Variants in DEAF1 observed in about 807,000 individuals in gnomAD.
DEAF1 encodes the protein deformed epidermal autoregulatory factor 1 homolog.
A neutral mutation model predicts 58.9 loss-of-function variants in DEAF1; 53 were observed. The observed-to-expected ratio is 0.90, with a 90% CI of 0.72 to 1.13. The LOEUF (loss-of-function observed/expected upper bound fraction) is 1.13. Ranked by LOEUF, DEAF1 falls within the 50% of genes most tolerant of loss-of-function variation. The pLI is 0.00. For synonymous variants in DEAF1, 385 were observed against 340.4 expected, an observed-to-expected ratio of 1.13 and a Z score of -1.44; for missense variants, 685 against 791.4, an observed-to-expected ratio of 0.87 and a Z score of 1.61.
At chr11:658,024 C>A (rs1859141378) in intron 10 of DEAF1, among the ~76,000 whole-genome samples, 1 of 152,222 alleles carries the variant, frequency 6.6e-6, no homozygotes, top group African/African-American at 2.4e-5. Flanking sequence ...GCCCTGTGGG[C>A]TTTGAAGTTA....
chr11:653,915 G>A (rs759022502), intron 11 of DEAF1, 47 bp downstream of exon 11: 30 of 1,566,024 alleles, frequency 1.9e-5, no homozygotes, highest in Non-Finnish European at 2.5e-5. Context: ...GGTCTTCGTA[G>A]CGAGGGAGGA....
In DEAF1 at chr11:686,855, T is replaced by C. The variant is rs1483091772; in HGVS notation, c.804+3A>G. On this transcript the variant is annotated splice_donor_region_variant and intron_variant, in intron 5 of 11. Transcript: ENST00000382409. ...TGAGCACAGGTGAGGTCACGGACGA[T>C]ACCTGGATGAGGCACTGCAAGGGTC... 1.9e-6 allele frequency: 3 copies of C among 1,614,150 alleles called. No homozygotes were observed. Among genetic ancestry groups the C allele is most frequent in the South Asian group, 1.1e-5 (1 of 91,084 alleles).
intron 10 of DEAF1, among the ~76,000 whole-genome samples, chr11:660,407 C>G (rs1859268670): frequency 6.6e-6 from 1 of 152,244 alleles, no homozygotes; most frequent in Non-Finnish European, 1.5e-5. Flanking sequence ...GCAGGGTCCC[C>G]CTGAAGTGGG....
At chr11:683,621 T>TC (rs1212395555) in intron 6 of DEAF1, among the ~76,000 whole-genome samples, 1 of 152,234 alleles carries the variant, frequency 6.6e-6, no homozygotes, top group African/African-American at 2.4e-5. Context: ...CCTTTACCTT[T>TC]CTATGCAAAT....
intron 10 of DEAF1, among the ~76,000 whole-genome samples, chr11:672,042 G>A (rs1366953992): frequency 1.3e-5 from 2 of 152,254 alleles, no homozygotes; most frequent in African/African-American, 2.4e-5. Flanking sequence ...ATTGAGTGGT[G>A]TTGCTGGTGT....
At position 695,085 on chromosome 11, in the gene DEAF1, GA is replaced by G; in HGVS notation, c.-39del. On this transcript the variant is annotated 5_prime_UTR_variant, in exon 1 of 12. Coordinates refer to ENST00000382409, the MANE Select transcript of DEAF1 (RefSeq NM_021008.4). ...GAGCCTTCCCGAAGGCGCCGTCCGGGACCGCCCGAAGCGCCGGTCGCGGAGC... is the reference window on the plus strand; with the variant it reads ...GAGCCTTCCCGAAGGCGCCGTCCGGGCCGCCCGAAGCGCCGGTCGCGGAGC... The G allele has an allele frequency of 7.0e-7, 1 of 1,420,118 alleles. No homozygotes were observed. The highest frequency in any genetic ancestry group is 9.2e-7 in the Non-Finnish European group (1 of 1,090,448). 88.0% of individuals were successfully genotyped at this position (1,420,118 alleles called of 1,614,324 possible).
chr11:695,838 C>T (rs1355976716), upstream of DEAF1: 6 of 1,230,014 alleles, frequency 4.9e-6, no homozygotes, highest in East Asian at 3.2e-5. Flanking sequence ...ATGGCGGCCC[C>T]GCGGCGAGGT....
In DEAF1 at chr11:688,072, GTGTT is replaced by G; in HGVS notation, c.518-19_518-16del. Reference sequence around the variant, plus strand: ...AGACTGAGGACCTTGGGCAGAGAAAGTGTTTGAAGGTGAGAGGCCGGACACCGGG... The same window carrying G: ...AGACTGAGGACCTTGGGCAGAGAAAGTGAAGGTGAGAGGCCGGACACCGGG... On this transcript the variant is annotated splice_polypyrimidine_tract_variant and intron_variant, in intron 3 of 11. Transcript: ENST00000382409. The surrounding 1 kb of genome is among the most constrained non-coding windows in gnomAD (Gnocchi z 4.3). 1 of 1,613,762 alleles carries G rather than the reference GTGTT, an allele frequency of 6.2e-7. No individual in the cohort carries two copies. Among genetic ancestry groups the G allele is most frequent in the Non-Finnish European group, 8.5e-7 (1 of 1,179,908 alleles).
rs191783462 is a variant in DEAF1, at chr11:701,653, C to T, written c.-438+4919G>A. ...TTCCATCTCCTGACCTCCTGATCCG[C>T]CCACCTCGGCCTCCCAAAGTGCTGG... On this transcript the variant is annotated intron_variant, in intron 1 of 11. Coordinates refer to the DEAF1 transcript ENST00000683307. Among the ~76,000 whole-genome samples the T allele has an allele frequency of 7.2e-3, 1,096 of 152,062 alleles. 6 individuals carry two copies. Among genetic ancestry groups the T allele is most frequent in the Admixed American group, 0.013 (198 of 15,292 alleles).
At position 695,015 on chromosome 11, in the gene DEAF1, C is replaced by T; in HGVS notation, c.33G>A (p.Leu11=). Residue 11 remains leucine (L), a synonymous_variant, in exon 1 of 12, where the codon CTG becomes CTA. Coordinates refer to ENST00000382409, the MANE Select transcript of DEAF1 (RefSeq NM_021008.4). MEDSDSAAKQ[L]GLAEAAAVAA... ...CCACCGCCGCCGCCTCAGCCAGGCCCAGCTGCTTTGCCGCCGAGTCCGAGT... is the reference window on the plus strand; with the variant it reads ...CCACCGCCGCCGCCTCAGCCAGGCCTAGCTGCTTTGCCGCCGAGTCCGAGT... The T allele has an allele frequency of 5.0e-6, 7 of 1,400,860 alleles. No individual in the cohort carries two copies. Among genetic ancestry groups the T allele is most frequent in the South Asian group, 2.8e-5 (2 of 71,694 alleles). The allele number at this position is 1,400,860 out of a possible 1,614,324, so 86.8% of individuals were successfully genotyped here. A position where few individuals can be genotyped will look rare whatever the true frequency, so the allele number is the denominator to read the frequency against.
chr11:673,541 AAAATAG>A (rs1859924775), intron 10 of DEAF1, among the ~76,000 whole-genome samples: 1 of 152,192 alleles, frequency 6.6e-6, no homozygotes, highest in South Asian at 2.1e-4. Flanking sequence ...AATAAAAATA[AAAATAG>A]AAAGTAGAAA....
At chr11:706,674 CA>C (rs1861728500) in exon 1 of DEAF1, 1 of 152,414 alleles carries the variant, frequency 6.6e-6, no homozygotes. Flanking sequence ...CTGTGAGCAG[CA>C]GGACCCTCCC....
At position 671,845 on chromosome 11, in the gene DEAF1, A is replaced by C. The variant is rs796238774; in HGVS notation, c.1503+2691T>G. On this transcript the variant is annotated intron_variant, in intron 10 of 11. Transcript: ENST00000382409. ...ACCTCTTAAAAAAAAAAAAAAAAAA[A>C]AAAAGAAACACAAAAAACACTAATC... is the stretch of plus-strand genomic sequence containing the variant. 3.3e-4 allele frequency among the ~76,000 whole-genome samples: 45 copies of C among 136,320 alleles called. 1 individual carries two copies. Among genetic ancestry groups the C allele is most frequent in the African/African-American group, 1.2e-3 (44 of 35,614 alleles). The allele number at this position is 136,320 out of a possible 152,430, so 89.4% of individuals were successfully genotyped here. A position where few individuals can be genotyped will look rare whatever the true frequency, so the allele number is the denominator to read the frequency against.
chr11:669,130 T>C lies in DEAF1; in HGVS notation c.1503+5406A>G, dbSNP rs1377775705. ...GTAAGCCACTGCACCCGACCCTTTT[T>C]TTTTTTTTTTTTTTTGTACAGACAG... is the stretch of plus-strand genomic sequence containing the variant. On this transcript the variant is annotated intron_variant, in intron 10 of 11. Transcript: ENST00000382409. 1.2e-4 allele frequency among the ~76,000 whole-genome samples: 5 copies of C among 41,466 alleles called. No homozygotes were observed. In the East Asian group the frequency reaches 6.9e-3, roughly 57 times the overall value. The allele number at this position is 41,466 out of a possible 152,430, so 27.2% of individuals were successfully genotyped here. A position where few individuals can be genotyped will look rare whatever the true frequency, so the allele number is the denominator to read the frequency against.
intron 2 of DEAF1, among the ~76,000 whole-genome samples, chr11:689,434 A>G (rs1019544836): frequency 6.6e-6 from 1 of 151,678 alleles, no homozygotes; most frequent in Non-Finnish European, 1.5e-5. Context: ...GATGGTCTCC[A>G]TCTTCTGACC....
chr11:698,309 G>C (rs1861292511), upstream of DEAF1, among the ~76,000 whole-genome samples: 1 of 152,126 alleles, frequency 6.6e-6, no homozygotes, highest in African/African-American at 2.4e-5. Context: ...TCTCAGGTGG[G>C]GGTGGGAGAA....
chr11:695,842 G>A (rs7928305), upstream of DEAF1: 214,586 of 1,231,456 alleles, frequency 0.17, 19,914 homozygotes, highest in African/African-American at 0.34. Context: ...CGGCCCCGCG[G>A]CGAGGTGAGC....
intron 10 of DEAF1, 99 bp from the exon 11 acceptor site, chr11:654,150 C>A: frequency 1.2e-6 from 1 of 839,392 alleles, no homozygotes; most frequent in East Asian, 2.7e-5. Flanking sequence ...CCCCAAGTTC[C>A]CCCCATTGGA....
chr11:645,112 G>T (rs185236732), intron 11 of DEAF1, among the ~76,000 whole-genome samples: 1 of 145,450 alleles, frequency 6.9e-6, no homozygotes, highest in African/African-American at 2.6e-5. Flanking sequence ...GCAGGGAGCC[G>T]AGATGGTGCC....
Sources: gnomAD v4.1 joint callset for allele counts (sites outside exome capture counted in the v4.1 genomes callset) on GRCh38, gnomAD v4.1.1 for gene constraint, Gnocchi (gnomAD v3.1) non-coding constraint, MANE v1.5 for transcripts, NCBI Gene and HGNC (gene_info 2026-07-23, HGNC 2026-07-21) for gene names.